CLVS2: variants seen among roughly 807,000 people sequenced by gnomAD.
CLVS2 encodes the protein clavesin-2.
CLVS2 carries 19 observed loss-of-function variants against 29.0 expected under a neutral mutation model. The observed-to-expected ratio is 0.66, with a 90% CI of 0.46 to 0.96. The LOEUF is 0.96. Ranked by LOEUF, CLVS2 falls within the 40% of genes least tolerant of loss-of-function variation. The probability of loss-of-function intolerance (pLI) is 0.00; values close to 1 mark genes in which losing one functional copy is unlikely to be tolerated. For missense variants in CLVS2, 294 were observed against 404.1 expected (o/e 0.73, Z 2.34); for synonymous variants, 161 against 151.3 (o/e 1.06, Z -0.47).
chr6:123,050,404 A>T (rs773582089), intron 4 of CLVS2, among the ~76,000 whole-genome samples: 8 of 152,096 alleles, frequency 5.3e-5, no homozygotes, highest in Non-Finnish European at 1.0e-4. Flanking sequence ...ACCACTTTGG[A>T]GTATATATTG....
At position 123,054,686 on chromosome 6, in the gene CLVS2, T is replaced by C. The variant is rs190952175; in HGVS notation, c.676-1120T>C. On this transcript the variant is annotated intron_variant, in intron 4 of 5. Transcript: ENST00000275162. ...ACTTACTATAATTTTGAAATAAATA[T>C]TATATAAATGTAGATGAGACAACAG... 1.9e-4 allele frequency among the ~76,000 whole-genome samples: 29 copies of C among 152,284 alleles called. 1 individual carries two copies. The highest frequency in any genetic ancestry group is 9.8e-4 in the Admixed American group (15 of 15,284).
intron 3 of CLVS2, among the ~76,000 whole-genome samples, chr6:123,031,145 A>AT (rs1179561093): frequency 6.6e-6 from 1 of 151,750 alleles, no homozygotes; most frequent in Non-Finnish European, 1.5e-5. Context: ...AATTTTTTGT[A>AT]TTTTTTGTAA....
At chr6:123,028,243 T>TA (rs59869648) in intron 3 of CLVS2, among the ~76,000 whole-genome samples, 113,507 of 152,128 alleles carry the variant, frequency 0.75, 42,924 homozygotes, top group East Asian at 0.92. Flanking sequence ...TATACAGATC[T>TA]AATCAGTTTT....
At chr6:123,039,196 T>G (rs1212163173) in intron 3 of CLVS2, among the ~76,000 whole-genome samples, 1 of 152,202 alleles carries the variant, frequency 6.6e-6, no homozygotes, top group Admixed American at 6.5e-5. Flanking sequence ...TTTGGCAATT[T>G]TAGATACGAG....
In CLVS2 at chr6:123,067,877, G is replaced by GA. The variant is rs1455723647; in HGVS notation, c.*4122dup. 1 of 151,542 alleles carries GA rather than the reference G, an allele frequency of 6.6e-6. No individual in the cohort carries two copies. Among genetic ancestry groups the GA allele is most frequent in the African/African-American group, 2.4e-5 (1 of 41,356 alleles). 9.4% of individuals were successfully genotyped at this position (151,542 alleles called of 1,614,324 possible). On this transcript the variant is annotated 3_prime_UTR_variant, in exon 6 of 6. Coordinates refer to ENST00000275162, the MANE Select transcript of CLVS2 (RefSeq NM_001010852.4). ...CTTGTTTTTGTCTTTGGTTTTAGTT[G>GA]AAAAAATAGCTTCCCATATGCTACT...
In CLVS2 at chr6:123,067,448, T is replaced by C. The variant is rs940063655; in HGVS notation, c.*3687T>C. ...CTTGCTGAGAGGCTGTACACTCTTC[T>C]GTTGTTTTATTTAAAGGTCTGCCTT... On this transcript the variant is annotated 3_prime_UTR_variant, in exon 6 of 6. Transcript: ENST00000275162. 4.0e-5 allele frequency: 6 copies of C among 151,742 alleles called. No individual in the cohort carries two copies. The highest frequency in any genetic ancestry group is 7.4e-5 in the Non-Finnish European group (5 of 67,760). 9.4% of individuals were successfully genotyped at this position (151,742 alleles called of 1,614,324 possible).
At chr6:123,036,526 T>A (rs1302109608) in intron 3 of CLVS2, among the ~76,000 whole-genome samples, 1 of 152,208 alleles carries the variant, frequency 6.6e-6, no homozygotes. Context: ...AGGGTAATGA[T>A]CCCAAGCTGA....
rs1774606866 is a variant in CLVS2 at position 123,002,648 on chromosome 6, G to A, written c.389+4482G>A. Among the ~76,000 whole-genome samples, 2 of 146,134 alleles carry A rather than the reference G, an allele frequency of 1.4e-5. 1 individual carries two copies. Among genetic ancestry groups the A allele is most frequent in the African/African-American group, 5.0e-5 (2 of 39,916 alleles). ...CAGGAATAGATTAAAACAGTCCAGG[G>A]CAATTATCCAGATAATTATGGAGAA... On this transcript the variant is annotated intron_variant, in intron 2 of 5. Coordinates refer to ENST00000275162, the MANE Select transcript of CLVS2 (RefSeq NM_001010852.4).
At position 123,070,619 on chromosome 6, in the gene CLVS2, C is replaced by T. The variant is rs1772928904; in HGVS notation, c.*6858C>T. 1 of 151,900 alleles carries T rather than the reference C, an allele frequency of 6.6e-6. No homozygotes were observed. Among genetic ancestry groups the T allele is most frequent in the Non-Finnish European group, 1.5e-5 (1 of 67,922 alleles). The allele number at this position is 151,900 out of a possible 1,614,324, so 9.4% of individuals were successfully genotyped here. A position where few individuals can be genotyped will look rare whatever the true frequency, so the allele number is the denominator to read the frequency against. On this transcript the variant is annotated 3_prime_UTR_variant, in exon 6 of 6. Transcript: ENST00000275162. ...GTCTTTATATCAGTGTATGAGAAGT[C>T]TTGATATGAAGGCAGTAAGCACCAG...
At chr6:123,025,777 C>G (rs6931584) in intron 3 of CLVS2, among the ~76,000 whole-genome samples, 60,414 of 151,962 alleles carry the variant, frequency 0.4, 12,354 homozygotes, top group South Asian at 0.48. Context: ...TGAGAGACCA[C>G]CTCAACTCCA....
rs1183646140 is a variant in CLVS2 at position 123,069,824 on chromosome 6, A to G, written c.*6063A>G. On this transcript the variant is annotated 3_prime_UTR_variant, in exon 6 of 6. Transcript: ENST00000275162. ...GTGAAGCAAGTTTCCACACAGAAAC[A>G]TCATCAAAAACACGTACCTCTGAGC... 1 of 151,916 alleles carries G rather than the reference A, an allele frequency of 6.6e-6. No homozygotes were observed. The highest frequency in any genetic ancestry group is 2.4e-5 in the African/African-American group (1 of 41,414). The allele number at this position is 151,916 out of a possible 1,614,324, so 9.4% of individuals were successfully genotyped here.
At chr6:123,026,179 A>T (rs1774998759) in intron 3 of CLVS2, among the ~76,000 whole-genome samples, 1 of 152,118 alleles carries the variant, frequency 6.6e-6, no homozygotes, top group Admixed American at 6.6e-5. Flanking sequence ...ATATAAACAA[A>T]TGTAAAATAT....
In CLVS2 at chr6:123,058,881, C is replaced by T. The variant is rs530647147; in HGVS notation, c.896+2855C>T. Among the ~76,000 whole-genome samples the T allele has an allele frequency of 9.2e-5, 14 of 152,280 alleles. No individual in the cohort carries two copies. The East Asian group carries it at 2.5e-3, about 27-fold the overall frequency. ...CTATGTTGCCCAGACTGGTCTCAAA[C>T]TCCTGGCCTCAAGTGATCCACCTGC... On this transcript the variant is annotated intron_variant, in intron 5 of 5. Transcript: ENST00000275162.
At position 123,055,968 on chromosome 6, in the gene CLVS2, T is replaced by C. The variant is rs140575101; in HGVS notation, c.838T>C (p.Ser280Pro). 9 of 1,613,878 alleles carry C rather than the reference T, an allele frequency of 5.6e-6. No individual in the cohort carries two copies. In the African/African-American group the frequency reaches 9.3e-5, roughly 17 times the overall value. The part of the protein sequence containing the change: ...YDDDSEYNVD[S>P]YSMPVKEVEK... ...CGATGACAGCGAGTACAATGTAGAC[T>C]CCTACAGCATGCCTGTGAAGGAAGT... is the stretch of plus-strand genomic sequence containing the variant. The change falls in exon 5 of 6, where the codon TCC (serine) becomes CCC (proline). Residue 280 changes from serine to proline, a missense_variant. Physicochemically the swap from Ser to Pro is moderately conservative, Grantham distance 74. Around this residue, in one of 2 missense-constraint regions of CLVS2, gnomAD observed 82 missense variants for 67.8 expected, o/e 1.21. Coordinates refer to ENST00000275162, the MANE Select transcript of CLVS2 (RefSeq NM_001010852.4).
chr6:123,035,532 C>T (rs1755153053), intron 3 of CLVS2, among the ~76,000 whole-genome samples: 1 of 151,904 alleles, frequency 6.6e-6, no homozygotes, highest in Admixed American at 6.6e-5. Context: ...GCTACACTAT[C>T]TATTCTAAAA....
At chr6:123,033,694 A>G (rs1582655470) in intron 3 of CLVS2, among the ~76,000 whole-genome samples, 1 of 152,122 alleles carries the variant, frequency 6.6e-6, no homozygotes, top group African/African-American at 2.4e-5. Context: ...ATAATCAAAA[A>G]ATAAAAAATT....
chr6:123,037,105 G>A (rs1488481534), intron 3 of CLVS2, among the ~76,000 whole-genome samples: 2 of 151,106 alleles, frequency 1.3e-5, no homozygotes, highest in Non-Finnish European at 2.9e-5. Flanking sequence ...CATCTCTACC[G>A]TGGCCTGAGC....
intron 3 of CLVS2, among the ~76,000 whole-genome samples, chr6:123,033,303 A>T (rs965574587): frequency 8.5e-5 from 13 of 152,072 alleles, no homozygotes; most frequent in African/African-American, 2.9e-4. Context: ...TTTTTTGTCA[A>T]ATTGATATAG....
At chr6:123,037,921 C>T (rs560338877) in intron 3 of CLVS2, among the ~76,000 whole-genome samples, 1 of 152,170 alleles carries the variant, frequency 6.6e-6, no homozygotes, top group Non-Finnish European at 1.5e-5. Flanking sequence ...TAATGTGTCA[C>T]ACCCTTCTCA....
Sources: allele counts gnomAD v4.1 joint callset (sites outside exome capture counted in the v4.1 genomes callset), GRCh38; gene constraint gnomAD v4.1.1; regional missense constraint gnomAD v4.1.1; transcripts MANE v1.5; gene names NCBI Gene and HGNC (gene_info 2026-07-23, HGNC 2026-07-21).